SORBS2: variants seen among roughly 807,000 people sequenced by gnomAD.
The protein encoded by SORBS2 is sorbin and SH3 domain-containing protein 2.
A neutral mutation model predicts 97.7 loss-of-function variants in SORBS2; 46 were observed. The observed-to-expected ratio is 0.47, with a 90% CI of 0.37 to 0.60. The LOEUF is 0.60. Among genes scored for constraint, SORBS2 ranks in the 20% least tolerant of loss-of-function variants. SORBS2 has a pLI of 0.00. For synonymous variants in SORBS2, 476 were observed against 473.4 expected, an observed-to-expected ratio of 1.01 and a Z score of -0.07; for missense variants, 1,316 against 1,282.3, an observed-to-expected ratio of 1.03 and a Z score of -0.40.
At position 185,606,220 on chromosome 4, in the gene SORBS2, G is replaced by A. The variant is rs1189362407; in HGVS notation, c.2796+5560C>T. ...ATGATAATGTCACACACCTCACTGG[G>A]TTTTGACGATTAAAGATGTGGAGTT... On this transcript the variant is annotated intron_variant, in intron 12 of 14. Transcript: ENST00000418609. The surrounding 1 kb of genome is among the most constrained non-coding windows in gnomAD (Gnocchi z 4.3). 6.1e-6 allele frequency: 6 copies of A among 985,254 alleles called. No individual in the cohort carries two copies. The highest frequency in any genetic ancestry group is 7.2e-6 in the Non-Finnish European group (6 of 829,928). The allele number at this position is 985,254 out of a possible 1,614,324, so 61.0% of individuals were successfully genotyped here. A position where few individuals can be genotyped will look rare whatever the true frequency, so the allele number is the denominator to read the frequency against.
At chr4:185,929,449 A>G (rs1464586180) in intron 1 of SORBS2, among the ~76,000 whole-genome samples, 2 of 152,024 alleles carry the variant, frequency 1.3e-5, no homozygotes, top group Admixed American at 6.5e-5. Flanking sequence ...GTACAAGCAA[A>G]TATCTCATTT....
intron 4 of SORBS2, among the ~76,000 whole-genome samples, chr4:185,669,810 T>C (rs537135755): frequency 6.6e-6 from 1 of 152,282 alleles, no homozygotes; most frequent in African/African-American, 2.4e-5. Flanking sequence ...CAATAATATT[T>C]TCAAAATCTA....
At chr4:185,846,920 A>C (rs2099214862) in intron 1 of SORBS2, among the ~76,000 whole-genome samples, 1 of 152,190 alleles carries the variant, frequency 6.6e-6, no homozygotes, top group Admixed American at 6.5e-5. Flanking sequence ...CTATTTGTCA[A>C]ATAAAAACTA....
upstream of SORBS2, among the ~76,000 whole-genome samples, chr4:185,658,095 G>A (rs370990316): frequency 6.5e-4 from 99 of 152,238 alleles, no homozygotes; most frequent in Middle Eastern, 3.4e-3. Flanking sequence ...TGTTGAGTCA[G>A]TAACAGTGAT....
At position 185,623,083 on chromosome 4, in the gene SORBS2, C is replaced by G. The variant is rs2096744598; in HGVS notation, c.2046G>C (p.Leu682=). 1 of 1,614,106 alleles carries G rather than the reference C, an allele frequency of 6.2e-7. No individual in the cohort carries two copies. Among genetic ancestry groups the G allele is most frequent in the Non-Finnish European group, 8.5e-7 (1 of 1,179,996 alleles). The change falls in exon 7 of 15, where the codon CTG becomes CTC. Residue 682 remains leucine, a synonymous_variant. Transcript: ENST00000418609. This position sits in a 1 kb window ranked among gnomAD's most constrained non-coding sequence, Gnocchi z 6.4. ...GAGGCTGGTGCAGGGGGCTCCTCCTCAGCGCTCTCAGGGATGAGTTCCTCT... is the reference window on the plus strand; with the variant it reads ...GAGGCTGGTGCAGGGGGCTCCTCCTGAGCGCTCTCAGGGATGAGTTCCTCT...
intron 1 of SORBS2, among the ~76,000 whole-genome samples, chr4:185,843,219 T>C (rs1233377802): frequency 6.6e-6 from 1 of 152,044 alleles, no homozygotes; most frequent in Non-Finnish European, 1.5e-5. Context: ...CCGGAGAGTG[T>C]GGGGTCACAA....
chr4:185,734,959 G>A (rs1208892545), intron 2 of SORBS2, among the ~76,000 whole-genome samples: 1 of 152,136 alleles, frequency 6.6e-6, no homozygotes, highest in Non-Finnish European at 1.5e-5. Context: ...TCCCTTTCAG[G>A]GACTGCTCTC....
chr4:185,785,252 A>T (rs1299044597), intron 1 of SORBS2, among the ~76,000 whole-genome samples: 1 of 152,020 alleles, frequency 6.6e-6, no homozygotes, highest in East Asian at 1.9e-4. Flanking sequence ...TAAGAATCTT[A>T]CTGTGGTTTC....
intron 1 of SORBS2, among the ~76,000 whole-genome samples, chr4:185,840,725 C>T (rs2099210960): frequency 6.6e-6 from 1 of 152,202 alleles, no homozygotes. Flanking sequence ...CTTCTGTGTG[C>T]ATGTATTTAT....
At chr4:185,659,893 C>T (rs559069211), upstream of SORBS2, among the ~76,000 whole-genome samples, 7 of 152,302 alleles carry the variant, frequency 4.6e-5, no homozygotes, top group East Asian at 9.6e-4. Context: ...ATCAACTCTG[C>T]CTTCACATCT....
chr4:185,741,656 A>G (rs1444083067), intron 2 of SORBS2, among the ~76,000 whole-genome samples: 17 of 151,456 alleles, frequency 1.1e-4, no homozygotes, highest in Admixed American at 9.9e-4. Context: ...GAGCCACCGC[A>G]CCCGGCCTGT....
intron 2 of SORBS2, among the ~76,000 whole-genome samples, chr4:185,693,186 T>C (rs1023059474): frequency 1.3e-5 from 2 of 152,210 alleles, no homozygotes; most frequent in Non-Finnish European, 1.5e-5. Flanking sequence ...TTTATGATGG[T>C]GAATTTTATC....
At chr4:185,731,513 C>T (rs1376263794) in intron 2 of SORBS2, among the ~76,000 whole-genome samples, 1 of 101,040 alleles carries the variant, frequency 9.9e-6, no homozygotes, top group South Asian at 4.7e-4. Context: ...TCCCTCCCTG[C>T]CTATCTCTCT....
intron 13 of SORBS2, chr4:185,591,755 G>A (rs2095943523): frequency 1.3e-5 from 2 of 152,104 alleles, no homozygotes; most frequent in Non-Finnish European, 2.9e-5. Context: ...CATGGAGACC[G>A]GTTACCTAAG....
At chr4:185,678,614 T>G in intron 3 of SORBS2, 67 bp from the exon 7 acceptor site, 1 of 1,430,424 alleles carries the variant, frequency 7.0e-7, no homozygotes, top group Non-Finnish European at 9.3e-7. Flanking sequence ...TTTATAAAAT[T>G]TATTTTTATT....
At chr4:185,911,898 C>T (rs567371952) in intron 1 of SORBS2, among the ~76,000 whole-genome samples, 1 of 152,296 alleles carries the variant, frequency 6.6e-6, no homozygotes, top group South Asian at 2.1e-4. Context: ...GAGCAACTTG[C>T]AGGAAGATCC....
chr4:185,936,585 T>G (rs2099269061), intron 1 of SORBS2, among the ~76,000 whole-genome samples: 1 of 152,236 alleles, frequency 6.6e-6, no homozygotes, highest in African/African-American at 2.4e-5. Context: ...ATCTAAATTT[T>G]AATTCTGAAT....
At chr4:185,726,426 A>G (rs945010375) in intron 2 of SORBS2, among the ~76,000 whole-genome samples, 1 of 152,154 alleles carries the variant, frequency 6.6e-6, no homozygotes, top group Non-Finnish European at 1.5e-5. Context: ...TGGGTTAAAT[A>G]TCAAAGGAAT....
chr4:185,649,059 C>T (rs1477214846), intron 3 of SORBS2, among the ~76,000 whole-genome samples: 1 of 152,128 alleles, frequency 6.6e-6, no homozygotes, highest in Non-Finnish European at 1.5e-5. Context: ...TTAACTAATG[C>T]CTCATTATGA....
Sources: gnomAD v4.1 joint callset for allele counts (sites outside exome capture counted in the v4.1 genomes callset) on GRCh38, gnomAD v4.1.1 for gene constraint, Gnocchi (gnomAD v3.1) non-coding constraint, MANE v1.5 for transcripts, NCBI Gene and HGNC (gene_info 2026-07-23, HGNC 2026-07-21) for gene names.